The following IGHMBP2 variants were observed in gnomAD, a reference collection of about 807,000 sequenced individuals.
IGHMBP2 encodes the protein immunoglobulin mu DNA binding protein 2.
In IGHMBP2, 81 loss-of-function variants were observed where a neutral mutation model predicts 96.0. That is an observed-to-expected ratio of 0.84 (90% CI 0.71 to 1.01). The LOEUF (loss-of-function observed/expected upper bound fraction) is 1.01, where lower values mean the gene tolerates loss of function less well. IGHMBP2 is among the 50% of genes least tolerant of loss of function. IGHMBP2 has a pLI of 0.00. For missense variants in IGHMBP2, 1,227 were observed against 1,306.3 expected (o/e 0.94, Z 0.94); for synonymous variants, 557 against 548.9 (o/e 1.01, Z -0.21).
At chr11:68,904,792 T>TTTTTTTTTTC (rs1555241961) in intron 1 of IGHMBP2, among the ~76,000 whole-genome samples, 247 of 74,318 alleles carry the variant, frequency 3.3e-3, no homozygotes, top group Non-Finnish European at 6.4e-3. Context: ...AAGTTTCTTT[T>TTTTTTTTTTC]TTTTCTTTTT....
In IGHMBP2 at chr11:68,936,324, G is replaced by A. The variant is rs201640213; in HGVS notation, c.1844G>A (p.Arg615His). ...RRHVAVICDS[R>H]TVNNHAFLKT... ...CACGTGGCGGTCATCTGTGACTCCC[G>A]TACTGTCAACAACCATGCATTTTTG... The change falls in exon 13 of 15, where the codon CGT (arginine) becomes CAT (histidine). Residue 615 changes from arginine to histidine, a missense_variant. Physicochemically the swap from Arg to His is conservative, Grantham distance 29 (BLOSUM62 0). Around this residue, in one of 3 missense-constraint regions of IGHMBP2, gnomAD observed 703 missense variants for 770.3 expected, o/e 0.91. Transcript: ENST00000255078. The A allele has an allele frequency of 1.3e-4, 217 of 1,614,170 alleles. No individual in the cohort carries two copies. Among genetic ancestry groups the A allele is most frequent in the Admixed American group, 2.7e-4 (16 of 60,030 alleles).
intron 5 of IGHMBP2, among the ~76,000 whole-genome samples, chr11:68,911,963 G>A (rs1261141872): frequency 6.6e-6 from 1 of 152,184 alleles, no homozygotes; most frequent in African/African-American, 2.4e-5. Flanking sequence ...GCCTGGGCCC[G>A]GTCTGTGCCC....
At position 68,929,271 on chromosome 11, in the gene IGHMBP2, G is replaced by A. The variant is rs201485072; in HGVS notation, c.1149G>A (p.Ala383=). Residue 383 remains alanine, a synonymous_variant, in exon 8 of 15, where the codon GCG becomes GCA. Transcript: ENST00000255078. ...VIDECAQALE[A]SCWIPLLKAR... ...ACGAGTGTGCCCAGGCCCTCGAGGCGAGCTGCTGGATCCCCCTGCTGAAGG... is the reference window on the plus strand; with the variant it reads ...ACGAGTGTGCCCAGGCCCTCGAGGCAAGCTGCTGGATCCCCCTGCTGAAGG... The A allele has an allele frequency of 6.4e-5, 103 of 1,613,758 alleles. No homozygotes were observed. In the East Asian group the frequency reaches 1.4e-3, roughly 22 times the overall value.
intron 7 of IGHMBP2, among the ~76,000 whole-genome samples, chr11:68,922,786 C>T (rs747152641): frequency 6.6e-6 from 1 of 152,292 alleles, no homozygotes. Context: ...CTATAGACGT[C>T]GTGTTGTGCA....
chr11:68,909,196 G>GGGGGGT (rs1566425650), intron 4 of IGHMBP2, among the ~76,000 whole-genome samples: 1 of 105,142 alleles, frequency 9.5e-6, no homozygotes, highest in Non-Finnish European at 2.0e-5. Context: ...GGAGGGGGGG[G>GGGGGGT]GCGGATGGAG....
chr11:68,933,843 C>G lies in IGHMBP2; in HGVS notation c.1467C>G (p.Leu489=), dbSNP rs746204307. 6.2e-7 allele frequency: 1 copy of G among 1,611,672 alleles called. No homozygotes were observed. The highest frequency in any genetic ancestry group is 2.2e-5 in the East Asian group (1 of 44,820). ...CAGAAGAGACGGGTGTGCCCCTGCTCTTGGTGGACACCGCCGGCTGCGGGC... is the reference window on the plus strand; with the variant it reads ...CAGAAGAGACGGGTGTGCCCCTGCTGTTGGTGGACACCGCCGGCTGCGGGC... ...AATEETGVPL[L]LVDTAGCGLF... Residue 489 remains leucine (L), a synonymous_variant, in exon 10 of 15, where the codon CTC becomes CTG. Coordinates refer to ENST00000255078, the MANE Select transcript of IGHMBP2 (RefSeq NM_002180.3).
rs764107109 is a variant in IGHMBP2 at position 68,938,255 on chromosome 11, C to T, written c.2685C>T (p.Asn895=). 3.1e-6 allele frequency: 5 copies of T among 1,614,060 alleles called. No individual in the cohort carries two copies. The highest frequency in any genetic ancestry group is 4.2e-6 in the Non-Finnish European group (5 of 1,180,038). The change falls in exon 14 of 15, where the codon AAC becomes AAT. Residue 895 remains asparagine (N), a synonymous_variant. Coordinates refer to ENST00000255078, the MANE Select transcript of IGHMBP2 (RefSeq NM_002180.3). ...TTTCTGCCGCCGTTAAGGCTGATAA[C>T]ACCTGCGGCTTTGCCAAGTGCACAG... ...ALVSAAVKAD[N]TCGFAKCTAG...
At chr11:68,926,232 T>G (rs911399640) in intron 7 of IGHMBP2, 1 of 152,066 alleles carries the variant, frequency 6.6e-6, no homozygotes, top group East Asian at 1.9e-4. Flanking sequence ...ATTTCAGTTA[T>G]TGTACTTTTC....
intron 4 of IGHMBP2, 26 bp from the exon 5 acceptor site, chr11:68,911,414 G>A (rs765978675): frequency 2.9e-5 from 47 of 1,611,750 alleles, no homozygotes; most frequent in Non-Finnish European, 3.7e-5. Context: ...GAGCACCTGA[G>A]CCTCACGCTG....
rs1035391916 is a variant in IGHMBP2, at chr11:68,911,517, C to G, written c.625C>G (p.Leu209Val). The change falls in exon 5 of 15, where the codon CTT (leucine) becomes GTT (valine). Residue 209 changes from leucine (L) to valine (V), a missense_variant. Leu to Val is a conservative substitution (Grantham distance 32). This residue lies in a region of IGHMBP2 where 507 missense variants were observed against 496.9 expected (regional missense o/e 1.02). Transcript: ENST00000255078. ...AVLFALSQKE[L>V]AIIHGPPGTG... ...TTTATTTGCGCTGTCTCAGAAAGAA[C>G]TTGCCATCATCCATGGACCTCCTGG... 6.2e-7 allele frequency: 1 copy of G among 1,614,044 alleles called. No individual in the cohort carries two copies. The highest frequency in any genetic ancestry group is 8.5e-7 in the Non-Finnish European group (1 of 1,179,884).
intron 9 of IGHMBP2, 80 bp from the exon 10 acceptor site, chr11:68,933,715 G>A: frequency 1.7e-6 from 2 of 1,190,756 alleles, no homozygotes; most frequent in East Asian, 2.4e-5. Context: ...TTTCCTCGTG[G>A]GAGGGGTCGG....
intron 1 of IGHMBP2, 24 bp from the exon 2 acceptor site, chr11:68,906,045 G>GCATC (rs1245589871): frequency 2.5e-6 from 4 of 1,611,930 alleles, no homozygotes; most frequent in Non-Finnish European, 3.4e-6. Context: ...AAATCCTGAA[G>GCATC]CATCAATACC....
At position 68,903,906 on chromosome 11, in the gene IGHMBP2, C is replaced by T. The variant is rs984597487; in HGVS notation, c.-47C>T. ...CCGGTCCGCTGTAACACCGGCCCGG[C>T]GCAGAAGCGGGACGTCGGCTTCTAG... is the stretch of plus-strand genomic sequence containing the variant. On this transcript the variant is annotated 5_prime_UTR_variant, in exon 1 of 15. Transcript: ENST00000255078. 1 of 1,605,342 alleles carries T rather than the reference C, an allele frequency of 6.2e-7. No individual in the cohort carries two copies.
intron 5 of IGHMBP2, among the ~76,000 whole-genome samples, chr11:68,912,560 G>A (rs921764934): frequency 6.6e-6 from 1 of 150,858 alleles, no homozygotes; most frequent in African/African-American, 2.4e-5. Context: ...TATACTTTAA[G>A]TTCTAGAGCT....
In IGHMBP2 at chr11:68,940,379, G is replaced by A. The variant is rs139118510; in HGVS notation, c.*648G>A. On this transcript the variant is annotated 3_prime_UTR_variant, in exon 15 of 15. Coordinates refer to ENST00000255078, the MANE Select transcript of IGHMBP2 (RefSeq NM_002180.3). ...CAGCCCCTCCTTGTTGCGCCTCACC[G>A]TGGGGACCAGGTGAGCCGGCTCTCC... is the stretch of plus-strand genomic sequence containing the variant. The A allele has an allele frequency of 5.6e-3, 854 of 152,434 alleles. 6 individuals are homozygous for A. Among genetic ancestry groups the A allele is most frequent in the Admixed American group, 9.0e-3 (137 of 15,290 alleles). 9.4% of individuals were successfully genotyped at this position (152,434 alleles called of 1,614,324 possible). A position where few individuals can be genotyped will look rare whatever the true frequency, so the allele number is the denominator to read the frequency against.
chr11:68,911,418 C>T, intron 4 of IGHMBP2, 22 bp from the exon 5 acceptor site: 1 of 1,612,186 alleles, frequency 6.2e-7, no homozygotes, highest in Non-Finnish European at 8.5e-7. Context: ...ACCTGAGCCT[C>T]ACGCTGCTGC....
At chr11:68,904,188 C>A in intron 1 of IGHMBP2, 150 bp downstream of exon 1, 1 of 703,730 alleles carries the variant, frequency 1.4e-6, no homozygotes, top group Non-Finnish European at 2.5e-6. Flanking sequence ...CCCTGCTTGG[C>A]CACCTCCCGA....
intron 2 of IGHMBP2, 103 bp from the exon 3 acceptor site, chr11:68,908,042 A>C: frequency 9.7e-7 from 1 of 1,029,330 alleles, no homozygotes; most frequent in South Asian, 1.3e-5. Context: ...TTACTAAAGA[A>C]AGTAACAAAG....
Position 68,908,171 on chromosome 11 carries a change from G to C in IGHMBP2, c.283G>C (p.Ala95Pro). 6.2e-7 allele frequency: 1 copy of C among 1,614,062 alleles called. No homozygotes were observed. Among genetic ancestry groups the C allele is most frequent in the Non-Finnish European group, 8.5e-7 (1 of 1,180,012 alleles). ...SGDIVGLYDA[A>P]NEGSQLATGI... ...TGATATCGTGGGCCTGTACGATGCTGCTAATGAGGGCAGTCAGCTGGCCAC... is the reference window on the plus strand; with the variant it reads ...TGATATCGTGGGCCTGTACGATGCTCCTAATGAGGGCAGTCAGCTGGCCAC... The change falls in exon 3 of 15, where the codon GCT (alanine) becomes CCT (proline). Residue 95 changes from alanine (A) to proline (P), a missense_variant. This residue lies in a region of IGHMBP2 where 507 missense variants were observed against 496.9 expected (regional missense o/e 1.02). Coordinates refer to ENST00000255078, the MANE Select transcript of IGHMBP2 (RefSeq NM_002180.3).
Sources: allele counts gnomAD v4.1 joint callset (sites outside exome capture counted in the v4.1 genomes callset), GRCh38; gene constraint gnomAD v4.1.1; regional missense constraint gnomAD v4.1.1; transcripts MANE v1.5; gene names NCBI Gene and HGNC (gene_info 2026-07-23, HGNC 2026-07-21).